The following PROS1 variants were observed in gnomAD, a reference collection of about 807,000 sequenced individuals.
The protein encoded by PROS1 is vitamin K-dependent protein S.
PROS1 carries 29 observed loss-of-function variants against 75.9 expected under a neutral mutation model. That is an observed-to-expected ratio of 0.38 (90% CI 0.28 to 0.52). PROS1 has a LOEUF of 0.52. PROS1 is among the 20% of genes least tolerant of loss of function. The probability of loss-of-function intolerance (pLI) is 0.83; values close to 1 mark genes in which losing one functional copy is unlikely to be tolerated. For synonymous variants in PROS1, 245 were observed against 280.6 expected, an observed-to-expected ratio of 0.87 and a Z score of 1.27; for missense variants, 680 against 810.3, an observed-to-expected ratio of 0.84 and a Z score of 1.95.
At chr3:93,888,978 C>T (rs1021392967) in intron 10 of PROS1, among the ~76,000 whole-genome samples, 3 of 152,190 alleles carry the variant, frequency 2.0e-5, no homozygotes, top group Admixed American at 6.6e-5. Flanking sequence ...TTTCTAACTA[C>T]TCTCCCCTGC....
At chr3:93,896,733 T>G in intron 8 of PROS1, 42 bp from the exon 9 acceptor site, 3 of 1,415,654 alleles carry the variant, frequency 2.1e-6, no homozygotes, top group Non-Finnish European at 3.0e-6. Context: ...AAAATCAAAA[T>G]GCACAGGTTA....
intron 4 of PROS1, among the ~76,000 whole-genome samples, chr3:93,910,280 GCTATTAAT>G (rs1413762761): frequency 1.3e-5 from 2 of 152,124 alleles, no homozygotes; most frequent in Non-Finnish European, 2.9e-5. Flanking sequence ...TCTACTTTGA[GCTATTAAT>G]CTACTGTAAC....
At chr3:93,913,769 A>AAAAGTCC (rs1708796336) in intron 3 of PROS1, among the ~76,000 whole-genome samples, 2 of 152,318 alleles carry the variant, frequency 1.3e-5, no homozygotes, top group South Asian at 4.1e-4. Context: ...GCACCAACTC[A>AAAAGTCC]AAAGTCCAAA....
chr3:93,941,179 C>T (rs745957211), intron 1 of PROS1, among the ~76,000 whole-genome samples: 1 of 152,148 alleles, frequency 6.6e-6, no homozygotes, highest in Non-Finnish European at 1.5e-5. Flanking sequence ...TTTCTTTCCA[C>T]TCCTCCACTT....
chr3:93,935,341 C>T (rs1160948434), intron 1 of PROS1, among the ~76,000 whole-genome samples: 2 of 152,110 alleles, frequency 1.3e-5, no homozygotes, highest in Non-Finnish European at 2.9e-5. Context: ...TTATCTCCTA[C>T]CCACTAGGAC....
chr3:93,959,108 G>C (rs1709658551), intron 1 of PROS1, among the ~76,000 whole-genome samples: 1 of 152,154 alleles, frequency 6.6e-6, no homozygotes, highest in South Asian at 2.1e-4. Flanking sequence ...GGGAGGCTGA[G>C]GTAGAAGGAT....
intron 6 of PROS1, among the ~76,000 whole-genome samples, chr3:93,901,730 T>TAATAA (rs1708597655): frequency 6.6e-6 from 1 of 152,172 alleles, no homozygotes; most frequent in Admixed American, 6.5e-5. Flanking sequence ...TGCACAAAAA[T>TAATAA]AATAAAACCA....
chr3:93,953,749 A>G (rs564023208), intron 1 of PROS1, among the ~76,000 whole-genome samples: 1 of 152,316 alleles, frequency 6.6e-6, no homozygotes, highest in Admixed American at 6.5e-5. Context: ...GGAGAAAGAA[A>G]TAAATTGTAT....
At chr3:93,936,624 A>C in intron 1 of PROS1, among the ~76,000 whole-genome samples, 1 of 152,162 alleles carries the variant, frequency 6.6e-6, no homozygotes, top group East Asian at 1.9e-4. Context: ...AACTGAGTTA[A>C]CTGAACTTAA....
In PROS1 at chr3:93,884,713, T is replaced by C; in HGVS notation, c.1492+15A>G. Reference sequence around the variant, plus strand: ...TCATTAATGAGAAAATAGAGATAAATGGAAAATCACTTACTATAATCTATG... The same window carrying C: ...TCATTAATGAGAAAATAGAGATAAACGGAAAATCACTTACTATAATCTATG... On this transcript the variant is annotated intron_variant, in intron 12 of 14. Transcript: ENST00000394236. 2 of 1,604,588 alleles carry C rather than the reference T, an allele frequency of 1.2e-6. No homozygotes were observed. The highest frequency in any genetic ancestry group is 1.7e-6 in the Non-Finnish European group (2 of 1,172,646).
At chr3:93,942,475 T>C (rs949388800) in intron 1 of PROS1, among the ~76,000 whole-genome samples, 1 of 152,106 alleles carries the variant, frequency 6.6e-6, no homozygotes, top group Non-Finnish European at 1.5e-5. Context: ...AGGCATCAGA[T>C]CCCATCGCTC....
chr3:93,910,858 C>G, intron 3 of PROS1, 153 bp from the exon 4 acceptor site: 1 of 665,650 alleles, frequency 1.5e-6, no homozygotes, highest in Non-Finnish European at 2.7e-6. Flanking sequence ...TTTCCATCTA[C>G]CTTTCTGAAA....
chr3:93,946,224 T>C (rs1352502617), intron 1 of PROS1, among the ~76,000 whole-genome samples: 1 of 152,158 alleles, frequency 6.6e-6, no homozygotes, highest in East Asian at 1.9e-4. Context: ...AAAATGGCCA[T>C]ACTGCCCAAG....
chr3:93,973,024 A>C (rs2107277960), intron 1 of PROS1, among the ~76,000 whole-genome samples: 1 of 152,264 alleles, frequency 6.6e-6, no homozygotes, highest in African/African-American at 2.4e-5. Context: ...CTGAAACACA[A>C]AGATAAAGAA....
At chr3:93,964,152 C>T (rs968676690) in intron 1 of PROS1, among the ~76,000 whole-genome samples, 5 of 152,044 alleles carry the variant, frequency 3.3e-5, no homozygotes, top group Non-Finnish European at 7.4e-5. Flanking sequence ...GATTGTAAAA[C>T]GTGTGTTTGA....
chr3:93,921,190 C>A (rs1708939327), intron 3 of PROS1, among the ~76,000 whole-genome samples: 1 of 152,160 alleles, frequency 6.6e-6, no homozygotes, highest in Non-Finnish European at 1.5e-5. Flanking sequence ...AGCTGATTTC[C>A]TGATGTTAAC....
chr3:93,952,325 G>A (rs1709514431), intron 1 of PROS1, among the ~76,000 whole-genome samples: 2 of 152,060 alleles, frequency 1.3e-5, no homozygotes, highest in Non-Finnish European at 2.9e-5. Context: ...CACATAGTTG[G>A]AAGAAAAGCA....
intron 1 of PROS1, among the ~76,000 whole-genome samples, chr3:93,969,083 T>A (rs1267460090): frequency 1.3e-5 from 2 of 151,926 alleles, no homozygotes; most frequent in Non-Finnish European, 2.9e-5. Context: ...CCATTACCTG[T>A]ATTCCCTTGC....
chr3:93,924,142 T>C (rs1559940170), intron 3 of PROS1, 98 bp downstream of exon 3: 3 of 797,080 alleles, frequency 3.8e-6, no homozygotes, highest in Non-Finnish European at 5.1e-6. Context: ...GATAATGAAA[T>C]TACATTGGAT....
Sources: gnomAD v4.1 joint callset for allele counts (sites outside exome capture counted in the v4.1 genomes callset) on GRCh38, gnomAD v4.1.1 for gene constraint, MANE v1.5 for transcripts, NCBI Gene and HGNC (gene_info 2026-07-23, HGNC 2026-07-21) for gene names.